FHIT: variants seen among roughly 807,000 people sequenced by gnomAD.
The protein encoded by FHIT is bis(5'-adenosyl)-triphosphatase.
In FHIT, 19 loss-of-function variants were observed where a neutral mutation model predicts 17.9. The ratio of observed to expected loss-of-function variants is 1.06; its 90% CI spans 0.74 to 1.56. FHIT has a LOEUF of 1.56. FHIT is among the 40% of genes most tolerant of loss of function. FHIT has a pLI of 0.00. For synonymous variants in FHIT, 81 were observed against 69.7 expected, an observed-to-expected ratio of 1.16 and a Z score of -0.81; for missense variants, 248 against 189.2, an observed-to-expected ratio of 1.31 and a Z score of -1.82.
At chr3:60,745,039 G>A (rs1577151726) in intron 4 of FHIT, among the ~76,000 whole-genome samples, 2 of 152,178 alleles carry the variant, frequency 1.3e-5, no homozygotes, top group East Asian at 1.9e-4. Flanking sequence ...CATGAGCCCA[G>A]GAGTTTGAGA....
chr3:59,985,114 A>C (rs1026625964), intron 7 of FHIT, among the ~76,000 whole-genome samples: 2 of 152,160 alleles, frequency 1.3e-5, no homozygotes, highest in African/African-American at 4.8e-5. Flanking sequence ...GAGGCACTGC[A>C]GAGTTGCCTG....
chr3:60,625,525 C>G lies in FHIT; in HGVS notation c.-17-88546G>C, dbSNP rs191077584. On this transcript the variant is annotated intron_variant, in intron 4 of 9. Transcript: ENST00000492590. ...CTTGATGACTAGTGATGCTGAGTAT[C>G]TTTTTATGGGCTTATTGGTCATCTG... is the stretch of plus-strand genomic sequence containing the variant. 4.7e-3 allele frequency among the ~76,000 whole-genome samples: 710 copies of G among 152,134 alleles called. 2 individuals are homozygous for G. The highest frequency in any genetic ancestry group is 0.016 in the African/African-American group (658 of 41,472).
At position 61,183,164 on chromosome 3, in the gene FHIT, G is replaced by A. The variant is rs148730635; in HGVS notation, c.-164+17453C>T. 4.5e-3 allele frequency among the ~76,000 whole-genome samples: 685 copies of A among 152,262 alleles called. 1 individual carries two copies. Among genetic ancestry groups the A allele is most frequent in the Non-Finnish European group, 6.9e-3 (471 of 68,012 alleles). ...CTTGCCATACTTGCCACAGAGTGCC[G>A]TTATGTTCTAGCTCTCTCTGGGTAT... On this transcript the variant is annotated intron_variant, in intron 2 of 9. Transcript: ENST00000492590.
chr3:60,487,478 T>C (rs2033890752), intron 5 of FHIT, among the ~76,000 whole-genome samples: 1 of 152,230 alleles, frequency 6.6e-6, no homozygotes, highest in Non-Finnish European at 1.5e-5. Context: ...CATTCTGCTC[T>C]ACGACACCTG....
rs919623392 is a variant in FHIT, at chr3:60,257,422, A to G, written c.104-243270T>C. 1.3e-4 allele frequency among the ~76,000 whole-genome samples: 20 copies of G among 152,262 alleles called. No individual in the cohort carries two copies. The East Asian group carries it at 3.1e-3, about 24-fold the overall frequency. On this transcript the variant is annotated intron_variant, in intron 5 of 9. Coordinates refer to ENST00000492590, the MANE Select transcript of FHIT (RefSeq NM_002012.4). ...CATTCACATCCTGCATGGACAATAA[A>G]AGAAACTCCGTGGGTGCCACACATT...
At chr3:60,396,300 A>G (rs1405915768) in intron 5 of FHIT, among the ~76,000 whole-genome samples, 1 of 152,192 alleles carries the variant, frequency 6.6e-6, no homozygotes, top group Non-Finnish European at 1.5e-5. Flanking sequence ...CGTCACTCAC[A>G]TATAGGGATC....
At chr3:61,055,128 A>C (rs1452666298) in intron 2 of FHIT, among the ~76,000 whole-genome samples, 1 of 151,906 alleles carries the variant, frequency 6.6e-6, no homozygotes, top group Non-Finnish European at 1.5e-5. Context: ...AAAAAAAGGC[A>C]TCTGTGATGC....
intron 5 of FHIT, among the ~76,000 whole-genome samples, chr3:60,132,032 C>T (rs1187242103): frequency 2.0e-5 from 3 of 152,140 alleles, no homozygotes; most frequent in Non-Finnish European, 2.9e-5. Flanking sequence ...CCTTTACATA[C>T]CCTGGCTCCT....
intron 5 of FHIT, among the ~76,000 whole-genome samples, chr3:60,215,728 C>T (rs1703668301): frequency 6.6e-6 from 1 of 152,110 alleles, no homozygotes; most frequent in Admixed American, 6.5e-5. Context: ...TGGTTGACAA[C>T]ATTCAGAATG....
intron 4 of FHIT, among the ~76,000 whole-genome samples, chr3:60,538,210 T>C (rs1359494361): frequency 6.6e-6 from 1 of 152,010 alleles, no homozygotes; most frequent in Non-Finnish European, 1.5e-5. Context: ...GAGAATAAAA[T>C]ACCTAGGAAT....
chr3:59,839,918 G>A (rs754597582), intron 8 of FHIT, among the ~76,000 whole-genome samples: 4 of 152,206 alleles, frequency 2.6e-5, no homozygotes, highest in Non-Finnish European at 5.9e-5. Context: ...CCTCAAGGGA[G>A]AAGTTGGCAT....
At position 60,619,257 on chromosome 3, in the gene FHIT, C is replaced by T. The variant is rs79818665; in HGVS notation, c.-17-82278G>A. On this transcript the variant is annotated intron_variant, in intron 4 of 9. Coordinates refer to ENST00000492590, the MANE Select transcript of FHIT (RefSeq NM_002012.4). ...TTTACAATAAAGTCCTTTAAATGTG[C>T]GCATAAAAAACTAAATGTGAATAAA... Among the ~76,000 whole-genome samples, 1,506 of 151,862 alleles carry T rather than the reference C, an allele frequency of 9.9e-3. 34 individuals are homozygous for T. The highest frequency in any genetic ancestry group is 0.035 in the African/African-American group (1,443 of 41,390).
At chr3:60,704,547 T>C (rs181989417) in intron 4 of FHIT, among the ~76,000 whole-genome samples, 97 of 152,326 alleles carry the variant, frequency 6.4e-4, no homozygotes, top group African/African-American at 2.3e-3. Context: ...ACTTCTGATC[T>C]AAATGACATT....
chr3:59,848,376 A>G (rs1171692233), intron 8 of FHIT, among the ~76,000 whole-genome samples: 1 of 152,204 alleles, frequency 6.6e-6, no homozygotes, highest in East Asian at 1.9e-4. Context: ...TTCATACTCT[A>G]TAATCTTCCC....
intron 8 of FHIT, among the ~76,000 whole-genome samples, chr3:59,813,110 C>G (rs991108943): frequency 1.3e-5 from 2 of 152,144 alleles, no homozygotes; most frequent in African/African-American, 4.8e-5. Flanking sequence ...AAACCAACAG[C>G]ATAATCCTGA....
At chr3:60,357,299 C>T (rs533775665) in intron 5 of FHIT, among the ~76,000 whole-genome samples, 1 of 152,214 alleles carries the variant, frequency 6.6e-6, no homozygotes, top group African/African-American at 2.4e-5. Context: ...CCTCTGCCTT[C>T]CAGGTTCAAG....
chr3:59,790,647 A>T (rs1053257027), intron 8 of FHIT, among the ~76,000 whole-genome samples: 4 of 152,182 alleles, frequency 2.6e-5, no homozygotes, highest in Non-Finnish European at 5.9e-5. Flanking sequence ...AAACACAGGC[A>T]TCAGTGTGCT....
In FHIT at chr3:60,475,091, G is replaced by A. The variant is rs956571202; in HGVS notation, c.103+61769C>T. Among the ~76,000 whole-genome samples, 3 of 141,580 alleles carry A rather than the reference G, an allele frequency of 2.1e-5. No individual in the cohort carries two copies. In the East Asian group the frequency reaches 5.8e-4, roughly 27 times the overall value. 92.9% of individuals were successfully genotyped at this position (141,580 alleles called of 152,430 possible). Reference sequence around the variant, plus strand: ...TTTGATATAAACAGATAGCTTGGGGGAAAACGAAAAACTCTTATTAGAATT... The same window carrying A: ...TTTGATATAAACAGATAGCTTGGGGAAAAACGAAAAACTCTTATTAGAATT... On this transcript the variant is annotated intron_variant, in intron 5 of 9. Transcript: ENST00000492590.
chr3:61,066,820 A>C (rs1040338573), intron 2 of FHIT, among the ~76,000 whole-genome samples: 1 of 152,148 alleles, frequency 6.6e-6, no homozygotes, highest in South Asian at 2.1e-4. Context: ...ATCTCAGAAA[A>C]TTTGAAAGAA....
Sources: allele counts gnomAD v4.1 joint callset (sites outside exome capture counted in the v4.1 genomes callset), GRCh38; gene constraint gnomAD v4.1.1; transcripts MANE v1.5; gene names NCBI Gene and HGNC (gene_info 2026-07-23, HGNC 2026-07-21).